The following ARHGAP28 variants were observed in gnomAD, a reference collection of about 807,000 sequenced individuals.
The protein encoded by ARHGAP28 is Rho GTPase activating protein 28, also known as rho GTPase-activating protein 28.
In ARHGAP28, 56 loss-of-function variants were observed where a neutral mutation model predicts 90.7. The ratio of observed to expected loss-of-function variants is 0.62; its 90% CI spans 0.50 to 0.77. The LOEUF (loss-of-function observed/expected upper bound fraction) is 0.77. ARHGAP28 is among the 30% of genes least tolerant of loss of function. The pLI is 0.00. For synonymous variants in ARHGAP28, 308 were observed against 323.3 expected (o/e 0.95, Z 0.51); for missense variants, 869 against 900.9 (o/e 0.96, Z 0.45).
intron 2 of ARHGAP28, among the ~76,000 whole-genome samples, chr18:6,828,117 G>T (rs966605613): frequency 4.6e-5 from 7 of 152,186 alleles, no homozygotes; most frequent in Non-Finnish European, 8.8e-5. Context: ...GGGAGGCCGA[G>T]GCTGGCAGAT....
intron 1 of ARHGAP28, among the ~76,000 whole-genome samples, chr18:6,771,387 T>C (rs1174428769): frequency 1.3e-5 from 2 of 152,082 alleles, no homozygotes; most frequent in African/African-American, 4.8e-5. Flanking sequence ...AAAAGATCTG[T>C]AGTAAGATAG....
chr18:6,797,036 G>A (rs1017305321), intron 1 of ARHGAP28, among the ~76,000 whole-genome samples: 3 of 152,202 alleles, frequency 2.0e-5, no homozygotes, highest in Admixed American at 6.5e-5. Context: ...AAATTTATAT[G>A]TATATGACCA....
At chr18:6,881,255 C>T (rs1332555646) in intron 10 of ARHGAP28, among the ~76,000 whole-genome samples, 2 of 152,130 alleles carry the variant, frequency 1.3e-5, no homozygotes, top group Non-Finnish European at 2.9e-5. Flanking sequence ...AAGAATTAGG[C>T]TTCTCATGAG....
intron 9 of ARHGAP28, 58 bp downstream of exon 9, chr18:6,873,833 C>A: frequency 7.3e-7 from 1 of 1,367,832 alleles, no homozygotes; most frequent in Non-Finnish European, 1.0e-6. Flanking sequence ...TGATTTGGCA[C>A]TTTGTAAACC....
At chr18:6,840,263 C>T (rs2056795815) in intron 3 of ARHGAP28, among the ~76,000 whole-genome samples, 1 of 152,188 alleles carries the variant, frequency 6.6e-6, no homozygotes, top group Non-Finnish European at 1.5e-5. Context: ...TCTTTGCATC[C>T]ATGCTGCCTT....
chr18:6,846,618 A>G (rs2056867938), intron 3 of ARHGAP28, among the ~76,000 whole-genome samples: 1 of 151,668 alleles, frequency 6.6e-6, no homozygotes, highest in African/African-American at 2.4e-5. Context: ...CTTCCTTCCC[A>G]CCAGGACACT....
At chr18:6,808,541 G>A (rs2056534992) in intron 1 of ARHGAP28, among the ~76,000 whole-genome samples, 1 of 152,054 alleles carries the variant, frequency 6.6e-6, no homozygotes, top group South Asian at 2.1e-4. Flanking sequence ...CTTAAAGAGT[G>A]TACAGCTGTA....
chr18:6,776,189 A>G (rs907809510), intron 1 of ARHGAP28, among the ~76,000 whole-genome samples: 5 of 152,176 alleles, frequency 3.3e-5, no homozygotes, highest in African/African-American at 9.7e-5. Context: ...AAGGAAATCA[A>G]TGCCTTTCTA....
At chr18:6,852,687 G>A (rs997055482) in intron 4 of ARHGAP28, among the ~76,000 whole-genome samples, 1 of 152,120 alleles carries the variant, frequency 6.6e-6, no homozygotes, top group African/African-American at 2.4e-5. Context: ...TTAGCACGTG[G>A]ACCTAATCCT....
chr18:6,870,549 A>G (rs2051958003), intron 6 of ARHGAP28, 41 bp from the exon 7 acceptor site: 1 of 1,534,312 alleles, frequency 6.5e-7, no homozygotes, highest in Non-Finnish European at 8.9e-7. Flanking sequence ...GATTGATTAA[A>G]TAGCATATTA....
At chr18:6,765,384 C>T (rs778532506) in intron 1 of ARHGAP28, among the ~76,000 whole-genome samples, 39 of 152,218 alleles carry the variant, frequency 2.6e-4, no homozygotes, top group South Asian at 4.2e-4. Context: ...AGGCATTTGT[C>T]CATTTCATAT....
At chr18:6,877,828 A>G (rs1186428017) in intron 10 of ARHGAP28, among the ~76,000 whole-genome samples, 2 of 152,240 alleles carry the variant, frequency 1.3e-5, no homozygotes, top group African/African-American at 4.8e-5. Flanking sequence ...ATCTTTGGTT[A>G]TATCTGCAGA....
Position 6,824,221 on chromosome 18 carries a change from G to A in ARHGAP28, c.123-541G>A, listed in dbSNP as rs147823795. On this transcript the variant is annotated intron_variant, in intron 1 of 17. Transcript: ENST00000383472. ...AACATATTCATGTTAATTCCTATAC[G>A]GCCACAGAGTCATTATAAAGTACAG... 4.2e-3 allele frequency among the ~76,000 whole-genome samples: 636 copies of A among 152,108 alleles called. 2 individuals are homozygous for A. The highest frequency in any genetic ancestry group is 9.0e-3 in the Admixed American group (138 of 15,274).
intron 4 of ARHGAP28, among the ~76,000 whole-genome samples, chr18:6,858,068 A>C (rs2056968090): frequency 6.6e-6 from 1 of 152,048 alleles, no homozygotes; most frequent in Admixed American, 6.5e-5. Flanking sequence ...TGGCATCTGG[A>C]GTTCCTTCTC....
chr18:6,907,394 G>A (rs1220280333), intron 16 of ARHGAP28, among the ~76,000 whole-genome samples: 64 of 136,826 alleles, frequency 4.7e-4, no homozygotes, highest in Non-Finnish European at 4.2e-4. Context: ...TCAAAAACTG[G>A]AAAAAAAAAA....
At chr18:6,768,677 A>T (rs1012182453) in intron 1 of ARHGAP28, among the ~76,000 whole-genome samples, 1 of 152,174 alleles carries the variant, frequency 6.6e-6, no homozygotes, top group East Asian at 1.9e-4. Context: ...ATATGGATTA[A>T]TTGAGCTCTT....
rs375595924 is a variant in ARHGAP28 at position 6,873,683 on chromosome 18, G to A, written c.1121-1G>A. On this transcript the variant is annotated splice_acceptor_variant, in intron 8 of 17. Coordinates refer to ENST00000383472, the MANE Select transcript of ARHGAP28 (RefSeq NM_001366230.1). LOFTEE classifies it high-confidence loss of function. Reference sequence around the variant, plus strand: ...TCCCCCTTTACTGTCTCACAATGAAGACAATGGGATTTTTGGAGTTCCACT... The same window carrying A: ...TCCCCCTTTACTGTCTCACAATGAAAACAATGGGATTTTTGGAGTTCCACT... The A allele has an allele frequency of 1.4e-5, 22 of 1,613,002 alleles. No individual in the cohort carries two copies. The highest frequency in any genetic ancestry group is 1.7e-5 in the Non-Finnish European group (20 of 1,179,658).
At chr18:6,818,773 A>G (rs553041115) in intron 1 of ARHGAP28, among the ~76,000 whole-genome samples, 1 of 152,354 alleles carries the variant, frequency 6.6e-6, no homozygotes, top group Non-Finnish European at 1.5e-5. Context: ...GGAAGAAAGA[A>G]CTTGGCTTTT....
At chr18:6,820,912 T>C (rs1390074311) in intron 1 of ARHGAP28, among the ~76,000 whole-genome samples, 2 of 152,168 alleles carry the variant, frequency 1.3e-5, no homozygotes, top group African/African-American at 4.8e-5. Flanking sequence ...AAGGAAGTTC[T>C]CAAAAATGAA....
Sources: gnomAD v4.1 joint callset for allele counts (sites outside exome capture counted in the v4.1 genomes callset) on GRCh38, gnomAD v4.1.1 for gene constraint, MANE v1.5 for transcripts, NCBI Gene and HGNC (gene_info 2026-07-23, HGNC 2026-07-21) for gene names.